Variants in SH3GL2 observed in about 807,000 individuals in gnomAD.
SH3GL2 encodes the protein endophilin-A1.
A neutral mutation model predicts 46.0 loss-of-function variants in SH3GL2; 24 were observed. That is an observed-to-expected ratio of 0.52 (90% CI 0.38 to 0.73). SH3GL2 has a LOEUF of 0.73. Among genes scored for constraint, SH3GL2 ranks in the 30% least tolerant of loss-of-function variants. The pLI is 0.00. For missense variants in SH3GL2, 413 were observed against 424.2 expected (o/e 0.97, Z 0.23); for synonymous variants, 196 against 147.1 (o/e 1.33, Z -2.40).
At chr9:17,607,345 G>A (rs1818779438) in intron 1 of SH3GL2, among the ~76,000 whole-genome samples, 1 of 152,168 alleles carries the variant, frequency 6.6e-6, no homozygotes, top group South Asian at 2.1e-4. Context: ...ATATTTAAAT[G>A]TAGAAAAGAT....
intron 1 of SH3GL2, among the ~76,000 whole-genome samples, chr9:17,608,116 C>G (rs1312091335): frequency 7.1e-6 from 1 of 141,534 alleles, no homozygotes; most frequent in Non-Finnish European, 1.6e-5. Flanking sequence ...AATAAAATCT[C>G]TTTTTGAATT....
chr9:17,719,663 T>C (rs1157525345), intron 1 of SH3GL2, among the ~76,000 whole-genome samples: 2 of 151,992 alleles, frequency 1.3e-5, no homozygotes, highest in African/African-American at 2.4e-5. Flanking sequence ...CATGGTGGCA[T>C]GCACCTGTGG....
intron 1 of SH3GL2, among the ~76,000 whole-genome samples, chr9:17,718,461 T>C (rs1321334642): frequency 6.6e-6 from 1 of 152,090 alleles, no homozygotes; most frequent in Non-Finnish European, 1.5e-5. Context: ...AGTGGCTCAC[T>C]CCTGTAATTG....
At chr9:17,638,619 C>G (rs1819602679) in intron 1 of SH3GL2, among the ~76,000 whole-genome samples, 1 of 152,214 alleles carries the variant, frequency 6.6e-6, no homozygotes, top group South Asian at 2.1e-4. Context: ...CACCAGTACT[C>G]TCCTCTTTGT....
At position 17,599,994 on chromosome 9, in the gene SH3GL2, G is replaced by A. The variant is rs369341237; in HGVS notation, c.45+20707G>A. ...TTTTGCTTATGAAATATAAAATTAG[G>A]ACACTTTGTCATTTTGTATTTAAAT... On this transcript the variant is annotated intron_variant, in intron 1 of 8. Transcript: ENST00000380607. Among the ~76,000 whole-genome samples, 12 of 151,094 alleles carry A rather than the reference G, an allele frequency of 7.9e-5. No individual in the cohort carries two copies. The East Asian group carries it at 2.3e-3, about 30-fold the overall frequency.
At chr9:17,630,777 G>A (rs1224973185) in intron 1 of SH3GL2, among the ~76,000 whole-genome samples, 2 of 152,086 alleles carry the variant, frequency 1.3e-5, no homozygotes, top group South Asian at 2.1e-4. Flanking sequence ...GTCTCCAAAT[G>A]CCATTTGGAA....
At chr9:17,707,396 C>A (rs938541003) in intron 1 of SH3GL2, among the ~76,000 whole-genome samples, 2 of 152,018 alleles carry the variant, frequency 1.3e-5, no homozygotes, top group African/African-American at 4.8e-5. Context: ...TCAACTCTCT[C>A]TAGGGCTGTC....
At chr9:17,731,865 C>T (rs917382002) in intron 1 of SH3GL2, among the ~76,000 whole-genome samples, 3 of 152,138 alleles carry the variant, frequency 2.0e-5, no homozygotes, top group African/African-American at 7.2e-5. Context: ...CTATTTACCC[C>T]CTGGGCTTTT....
intron 1 of SH3GL2, among the ~76,000 whole-genome samples, chr9:17,657,033 T>C (rs1820098138): frequency 6.6e-6 from 1 of 152,118 alleles, no homozygotes; most frequent in Admixed American, 6.6e-5. Flanking sequence ...GACATAAAAA[T>C]TCTTAAATTA....
At chr9:17,647,342 A>C (rs904947260) in intron 1 of SH3GL2, among the ~76,000 whole-genome samples, 2 of 152,222 alleles carry the variant, frequency 1.3e-5, no homozygotes, top group South Asian at 2.1e-4. Flanking sequence ...GTCAGATGCT[A>C]TGCTAAATGC....
At chr9:17,636,468 C>A (rs1054529532) in intron 1 of SH3GL2, among the ~76,000 whole-genome samples, 2 of 152,186 alleles carry the variant, frequency 1.3e-5, no homozygotes, top group African/African-American at 4.8e-5. Flanking sequence ...ATAACCTGAT[C>A]CATCTTTGCA....
chr9:17,761,447 T>C lies in SH3GL2; in HGVS notation c.125T>C (p.Val42Ala), dbSNP rs1284302235. 1 of 1,604,118 alleles carries C rather than the reference T, an allele frequency of 6.2e-7. No homozygotes were observed. The highest frequency in any genetic ancestry group is 2.2e-5 in the East Asian group (1 of 44,822). ...ATTTTCTCATTTCAGAAAGTGGATG[T>C]CACCAGCAGGGCTGTGATGGAAATA... Reference protein sequence around the residue: ...DFKEMERKVDVTSRAVMEIMT... With the variant: ...DFKEMERKVDATSRAVMEIMT... Residue 42 changes from valine (V) to alanine (A), a missense_variant, in exon 3 of 9, where the codon GTC (valine) becomes GCC (alanine). By Grantham distance (64) the Val-to-Ala change is moderately conservative. Coordinates refer to ENST00000380607, the MANE Select transcript of SH3GL2 (RefSeq NM_003026.5).
intron 2 of SH3GL2, among the ~76,000 whole-genome samples, chr9:17,757,284 G>C (rs892831876): frequency 6.6e-5 from 10 of 152,122 alleles, no homozygotes; most frequent in African/African-American, 2.4e-4. Context: ...AAAAGCAATG[G>C]CAACAAAAGC....
chr9:17,757,463 GA>G (rs35741761), intron 2 of SH3GL2, among the ~76,000 whole-genome samples: 23,718 of 152,054 alleles, frequency 0.16, 2,303 homozygotes, highest in Middle Eastern at 0.24. Context: ...AAATTTACAA[GA>G]AAAAAACAAC....
chr9:17,606,218 G>A (rs1201371283), intron 1 of SH3GL2, among the ~76,000 whole-genome samples: 1 of 152,024 alleles, frequency 6.6e-6, no homozygotes, highest in South Asian at 2.1e-4. Flanking sequence ...TTAGCCTCCC[G>A]AGTAGCTGGG....
chr9:17,618,005 A>G (rs960453622), intron 1 of SH3GL2, among the ~76,000 whole-genome samples: 11 of 152,208 alleles, frequency 7.2e-5, no homozygotes, highest in African/African-American at 2.4e-4. Context: ...GAGGAGAGTC[A>G]TAAGGCTTTC....
chr9:17,689,766 G>A (rs1821024213), intron 1 of SH3GL2, among the ~76,000 whole-genome samples: 1 of 152,070 alleles, frequency 6.6e-6, no homozygotes, highest in African/African-American at 2.4e-5. Context: ...AGCCTCTTCT[G>A]ACCTTCCTGA....
At chr9:17,611,097 ACTT>A (rs1445875621) in intron 1 of SH3GL2, among the ~76,000 whole-genome samples, 2 of 152,136 alleles carry the variant, frequency 1.3e-5, no homozygotes, top group African/African-American at 4.8e-5. Context: ...GATGTAAAGA[ACTT>A]CTTTAATTTT....
intron 3 of SH3GL2, 146 bp from the exon 4 acceptor site, chr9:17,786,234 CG>C (rs1428452921): frequency 7.8e-6 from 5 of 642,224 alleles, no homozygotes; most frequent in Non-Finnish European, 1.3e-5. Flanking sequence ...GACTGACTGA[CG>C]GAGAGAACAC....
Sources: allele counts gnomAD v4.1 joint callset (sites outside exome capture counted in the v4.1 genomes callset), GRCh38; gene constraint gnomAD v4.1.1; transcripts MANE v1.5; gene names NCBI Gene and HGNC (gene_info 2026-07-23, HGNC 2026-07-21).